The following NSL1 variants were observed in gnomAD, a reference collection of about 807,000 sequenced individuals.
NSL1 encodes NSL1 component of MIS12 kinetochore complex.
A neutral mutation model predicts 25.4 loss-of-function variants in NSL1; 11 were observed. That is an observed-to-expected ratio of 0.43 (90% CI 0.27 to 0.72). NSL1 has a LOEUF of 0.72. NSL1 is among the 30% of genes least tolerant of loss of function. The probability of loss-of-function intolerance (pLI) is 0.19; values close to 1 mark genes in which losing one functional copy is unlikely to be tolerated. For missense variants in NSL1, 330 were observed against 342.7 expected (o/e 0.96, Z 0.29); for synonymous variants, 118 against 120.6 (o/e 0.98, Z 0.14).
intron 4 of NSL1, among the ~76,000 whole-genome samples, chr1:212,768,210 C>T (rs1013159753): frequency 2.0e-5 from 3 of 149,950 alleles, no homozygotes; most frequent in African/African-American, 4.9e-5. Flanking sequence ...GTCCCAGCTA[C>T]TCAGGAGGCT....
Position 212,729,672 on chromosome 1 carries a change from C to A in NSL1, c.*8736G>T. On this transcript the variant is annotated 3_prime_UTR_variant, in exon 6 of 6. Coordinates refer to ENST00000366977, the MANE Select transcript of NSL1 (RefSeq NM_015471.4). ...TCGAACACTTATTTTAACCTTTTCA[C>A]CAAATTTTTGTCAGAGAAGGAAATG... 1.0e-6 allele frequency: 1 copy of A among 985,400 alleles called. No individual in the cohort carries two copies. Among genetic ancestry groups the A allele is most frequent in the Non-Finnish European group, 1.2e-6 (1 of 829,926 alleles). 61.0% of individuals were successfully genotyped at this position (985,400 alleles called of 1,614,324 possible). A position where few individuals can be genotyped will look rare whatever the true frequency, so the allele number is the denominator to read the frequency against.
At chr1:212,777,060 T>TAAAAAAAAAAAAA (rs1184302329) in intron 4 of NSL1, among the ~76,000 whole-genome samples, 1 of 137,070 alleles carries the variant, frequency 7.3e-6, no homozygotes. Flanking sequence ...CTGAAAAGAC[T>TAAAAAAAAAAAAA]AAAAAAAAAA....
intron 5 of NSL1, among the ~76,000 whole-genome samples, chr1:212,739,031 T>G (rs1336993034): frequency 1.3e-5 from 2 of 152,124 alleles, no homozygotes; most frequent in African/African-American, 4.8e-5. Context: ...CCAAAGTGCT[T>G]GGATTACAGG....
At chr1:212,776,734 AC>A (rs1660388594) in intron 4 of NSL1, among the ~76,000 whole-genome samples, 1 of 151,358 alleles carries the variant, frequency 6.6e-6, no homozygotes, top group Non-Finnish European at 1.5e-5. Flanking sequence ...AACAACAACA[AC>A]AACAAAAAAA....
chr1:212,774,683 G>C (rs1321294186), intron 4 of NSL1, among the ~76,000 whole-genome samples: 1 of 152,236 alleles, frequency 6.6e-6, no homozygotes, highest in African/African-American at 2.4e-5. Context: ...ACAGTAACAA[G>C]AGTTGGTGAG....
At chr1:212,762,306 C>CAAAAAAAAAAA (rs71147025) in intron 4 of NSL1, among the ~76,000 whole-genome samples, 284 of 114,550 alleles carry the variant, frequency 2.5e-3, no homozygotes, top group East Asian at 3.0e-3. Context: ...TTAAAAGAAA[C>CAAAAAAAAAAA]AAAAAAAAAA....
intron 4 of NSL1, among the ~76,000 whole-genome samples, chr1:212,739,882 C>T (rs759652758): frequency 7.2e-5 from 11 of 152,180 alleles, no homozygotes; most frequent in Non-Finnish European, 1.3e-4. Context: ...TTACCTACCA[C>T]TATGTTTAAC....
At chr1:212,768,042 G>A (rs571234986) in intron 4 of NSL1, among the ~76,000 whole-genome samples, 206 of 152,224 alleles carry the variant, frequency 1.4e-3, no homozygotes, top group Non-Finnish European at 2.5e-3. Context: ...AAGCAGGGCC[G>A]GGCACGGCGG....
In NSL1 at chr1:212,737,070, G is replaced by GT; in HGVS notation, c.*1337dup. 2.0e-6 allele frequency: 2 copies of GT among 985,414 alleles called. No individual in the cohort carries two copies. Among genetic ancestry groups the GT allele is most frequent in the East Asian group, 2.3e-4 (2 of 8,822 alleles). 61.0% of individuals were successfully genotyped at this position (985,414 alleles called of 1,614,324 possible). ...CAAAACAGTTTTAAACTGAAGTCTA[G>GT]TATGTTCAGAAACGCAGGGTGCTGA... On this transcript the variant is annotated 3_prime_UTR_variant, in exon 6 of 6. Coordinates refer to ENST00000366977, the MANE Select transcript of NSL1 (RefSeq NM_015471.4).
At position 212,732,014 on chromosome 1, in the gene NSL1, G is replaced by A. The variant is rs1658035798; in HGVS notation, c.*6394C>T. 1.1e-5 allele frequency: 11 copies of A among 978,584 alleles called. No individual in the cohort carries two copies. The highest frequency in any genetic ancestry group is 1.3e-5 in the Non-Finnish European group (11 of 828,144). 60.6% of individuals were successfully genotyped at this position (978,584 alleles called of 1,614,324 possible). On this transcript the variant is annotated 3_prime_UTR_variant, in exon 6 of 6. Transcript: ENST00000366977. Reference sequence around the variant, plus strand: ...CTAATTCCCATCCTTTAGCCTCCCAGTGTAACTGTCCCAATTTTTTTTTTT... The same window carrying A: ...CTAATTCCCATCCTTTAGCCTCCCAATGTAACTGTCCCAATTTTTTTTTTT...
At chr1:212,743,442 C>T (rs1273155034) in intron 4 of NSL1, among the ~76,000 whole-genome samples, 1 of 151,300 alleles carries the variant, frequency 6.6e-6, no homozygotes, top group Admixed American at 6.6e-5. Flanking sequence ...GGATTACAGC[C>T]ATGAACCACA....
At chr1:212,752,966 G>A (rs754512531) in intron 4 of NSL1, among the ~76,000 whole-genome samples, 2 of 151,092 alleles carry the variant, frequency 1.3e-5, no homozygotes, top group Admixed American at 6.6e-5. Flanking sequence ...AAGCAATCAC[G>A]CACAGCATCA....
rs1657850024 is a variant in NSL1, at chr1:212,727,873, T to C, written c.*10535A>G. 12 of 985,200 alleles carry C rather than the reference T, an allele frequency of 1.2e-5. No homozygotes were observed. The South Asian group carries it at 3.3e-4, about 27-fold the overall frequency. 61.0% of individuals were successfully genotyped at this position (985,200 alleles called of 1,614,324 possible). ...TGGGAAATTTAAAAATGTTTGTTGA[T>C]ACTCTCTGTTGCTATGTGTCATTGA... On this transcript the variant is annotated 3_prime_UTR_variant, in exon 6 of 6. Coordinates refer to ENST00000366977, the MANE Select transcript of NSL1 (RefSeq NM_015471.4).
At chr1:212,778,449 GC>G (rs1275630791) in intron 4 of NSL1, among the ~76,000 whole-genome samples, 1 of 152,204 alleles carries the variant, frequency 6.6e-6, no homozygotes, top group East Asian at 1.9e-4. Flanking sequence ...CTGATGCCGA[GC>G]CGAAGCTGGA....
At chr1:212,785,067 A>G (rs1660887667) in intron 2 of NSL1, among the ~76,000 whole-genome samples, 1 of 152,230 alleles carries the variant, frequency 6.6e-6, no homozygotes, top group South Asian at 2.1e-4. Context: ...ATGATAAAAT[A>G]TATAAGAACC....
chr1:212,740,048 T>C (rs1658432995), intron 4 of NSL1, among the ~76,000 whole-genome samples: 1 of 152,220 alleles, frequency 6.6e-6, no homozygotes, highest in African/African-American at 2.4e-5. Context: ...TCAGTAATAC[T>C]ACTTTCTCTT....
rs556785695 is a variant in NSL1 at position 212,775,368 on chromosome 1, T to C, written c.499+7004A>G. Among the ~76,000 whole-genome samples the C allele has an allele frequency of 2.0e-3, 310 of 152,362 alleles. 1 individual carries two copies. Among genetic ancestry groups the C allele is most frequent in the African/African-American group, 7.2e-3 (299 of 41,580 alleles). ...TGTGAATAAACTAAAGCCACTGAGT[T>C]GTACACCTTAAGTGGGTGAACTGTA... On this transcript the variant is annotated intron_variant, in intron 4 of 5. Coordinates refer to ENST00000366977, the MANE Select transcript of NSL1 (RefSeq NM_015471.4).
intron 4 of NSL1, among the ~76,000 whole-genome samples, chr1:212,761,455 C>G (rs573497874): frequency 1.3e-5 from 2 of 152,042 alleles, no homozygotes; most frequent in Non-Finnish European, 2.9e-5. Context: ...GCCTTAGCAA[C>G]ACGGCAAAAC....
At chr1:212,789,588 T>C (rs1661090572) in intron 1 of NSL1, among the ~76,000 whole-genome samples, 1 of 152,260 alleles carries the variant, frequency 6.6e-6, no homozygotes, top group Admixed American at 6.5e-5. Context: ...GTAACATTCA[T>C]TGCAGACTGC....
Sources: gnomAD v4.1 joint callset for allele counts (sites outside exome capture counted in the v4.1 genomes callset) on GRCh38, gnomAD v4.1.1 for gene constraint, MANE v1.5 for transcripts, NCBI Gene and HGNC (gene_info 2026-07-23, HGNC 2026-07-21) for gene names.